The following NBN variants were observed in gnomAD, a reference collection of about 807,000 sequenced individuals.
NBN encodes the protein Nijmegen breakage syndrome 1 (nibrin).
In NBN, 88 loss-of-function variants were observed where a neutral mutation model predicts 90.8. The observed-to-expected ratio is 0.97, with a 90% CI of 0.82 to 1.16. The LOEUF is 1.16. Among genes scored for constraint, NBN ranks in the 50% most tolerant of loss-of-function variants. NBN has a pLI of 0.00. For missense variants in NBN, 894 were observed against 869.6 expected, an observed-to-expected ratio of 1.03 and a Z score of -0.35; for synonymous variants, 328 against 295.1, an observed-to-expected ratio of 1.11 and a Z score of -1.14.
rs779098734 is a variant in NBN at position 89,984,555 on chromosome 8, T to A, written c.7A>T (p.Lys3Ter). MW[K>*]LLPAAGPAGG... ...GCCGGGCCCGCGGCGGGCAGCAGTT[T>A]CCACATCGGTCCGGCTCCTCAGGGC... Residue 3 changes from lysine to a stop codon, truncating the protein, a stop_gained, in exon 1 of 16, where the codon AAA (lysine) becomes TAA (stop). Coordinates refer to ENST00000265433, the MANE Select transcript of NBN (RefSeq NM_002485.5). LOFTEE classifies it high-confidence loss of function. 2.5e-6 allele frequency: 4 copies of A among 1,613,162 alleles called. No individual in the cohort carries two copies. The South Asian group carries it at 4.4e-5, about 18-fold the overall frequency.
At chr8:89,935,703 T>C (rs1809638878) in intron 15 of NBN, 91 bp from the exon 16 acceptor site, 3 of 1,498,638 alleles carry the variant, frequency 2.0e-6, no homozygotes, top group South Asian at 1.2e-5. Flanking sequence ...AGTCACACTT[T>C]GGCAAATAGG....
intron 11 of NBN, among the ~76,000 whole-genome samples, chr8:89,949,999 G>A (rs74376487): frequency 0.042 from 6,333 of 152,236 alleles, 273 homozygotes; most frequent in East Asian, 0.19. Flanking sequence ...CAATTTCCTG[G>A]TTGTGATACT....
At chr8:89,954,910 A>G (rs958781480) in intron 10 of NBN, among the ~76,000 whole-genome samples, 1 of 152,172 alleles carries the variant, frequency 6.6e-6, no homozygotes, top group Non-Finnish European at 1.5e-5. Flanking sequence ...ATCTGGGATG[A>G]TCAATATATT....
intron 4 of NBN, among the ~76,000 whole-genome samples, chr8:89,978,893 C>G (rs143665775): frequency 7.8e-4 from 119 of 152,226 alleles, no homozygotes; most frequent in African/African-American, 2.8e-3. Context: ...AAGCTATAAG[C>G]CTCAAATATG....
rs2129925061 is a variant in NBN at position 89,982,780 on chromosome 8, T to A, written c.113A>T (p.Asp38Val). 1 of 1,613,992 alleles carries A rather than the reference T, an allele frequency of 6.2e-7. No individual in the cohort carries two copies. Among genetic ancestry groups the A allele is most frequent in the Non-Finnish European group, 8.5e-7 (1 of 1,179,900 alleles). ...RKNCAILIEN[D>V]QSISRNHAVL... is the part of the protein sequence containing the mutation. ...AGCATGATTTCGGCTGATCGACTGATCATTTTCAATCAGAATGGCACAGTT... is the reference window on the plus strand; with the variant it reads ...AGCATGATTTCGGCTGATCGACTGAACATTTTCAATCAGAATGGCACAGTT... Residue 38 changes from aspartate (D) to valine (V), a missense_variant, in exon 2 of 16, where the codon GAT (aspartate) becomes GTT (valine). Coordinates refer to ENST00000265433, the MANE Select transcript of NBN (RefSeq NM_002485.5).
intron 9 of NBN, 75 bp downstream of exon 9, chr8:89,958,650 G>C: frequency 6.7e-7 from 1 of 1,499,012 alleles, no homozygotes; most frequent in Non-Finnish European, 9.3e-7. Context: ...ACCTGATAAA[G>C]GGCATTACTT....
intron 11 of NBN, among the ~76,000 whole-genome samples, chr8:89,951,215 G>C (rs1810431623): frequency 6.6e-6 from 1 of 150,872 alleles, no homozygotes; most frequent in African/African-American, 2.4e-5. Context: ...GGGATGCTGA[G>C]GCAGGAGAAT....
intron 2 of NBN, 115 bp from the exon 3 acceptor site, chr8:89,981,638 GACA>G (rs1440254813): frequency 1.9e-6 from 2 of 1,038,746 alleles, no homozygotes; most frequent in South Asian, 1.4e-5. Context: ...CAACACGGCA[GACA>G]ACAATTACTG....
intron 14 of NBN, among the ~76,000 whole-genome samples, chr8:89,941,866 C>T (rs1809965791): frequency 6.6e-6 from 1 of 152,134 alleles, no homozygotes; most frequent in African/African-American, 2.4e-5. Flanking sequence ...AACAACTCTA[C>T]TTTCATAAGT....
At chr8:89,938,201 A>C (rs1563499415) in intron 14 of NBN, among the ~76,000 whole-genome samples, 2 of 152,190 alleles carry the variant, frequency 1.3e-5, no homozygotes, top group Non-Finnish European at 2.9e-5. Flanking sequence ...AAGTTCCTTA[A>C]ATACAGATAG....
chr8:89,957,001 C>G (rs13312921), intron 9 of NBN, among the ~76,000 whole-genome samples: 10,805 of 152,164 alleles, frequency 0.071, 532 homozygotes, highest in East Asian at 0.19. Flanking sequence ...ACATACAATT[C>G]GGTACAATAC....
In NBN at chr8:89,946,176, A is replaced by G. The variant is rs769252040; in HGVS notation, c.2034T>C (p.Asp678=). 1.9e-6 allele frequency: 3 copies of G among 1,601,828 alleles called. No individual in the cohort carries two copies. ...TSRNPSGIND[D]YGQLKNFKKF... is the part of the protein sequence containing the mutation. ...TCTTGAAATTTTTTAGTTGACCATAATCATCATTTATGCCAGATGGATTTC... is the reference window on the plus strand; with the variant it reads ...TCTTGAAATTTTTTAGTTGACCATAGTCATCATTTATGCCAGATGGATTTC... Residue 678 remains aspartate (D), a synonymous_variant, in exon 13 of 16, where the codon GAT becomes GAC. Transcript: ENST00000265433.
Position 89,953,543 on chromosome 8 carries a change from T to C in NBN, c.1546A>G (p.Thr516Ala), listed in dbSNP as rs376653589. 6.2e-7 allele frequency: 1 copy of C among 1,613,888 alleles called. No individual in the cohort carries two copies. The highest frequency in any genetic ancestry group is 8.5e-7 in the Non-Finnish European group (1 of 1,179,862). Residue 516 changes from threonine to alanine, a missense_variant, in exon 11 of 16, where the codon ACA (threonine) becomes GCA (alanine). Physicochemically the swap from Thr to Ala is moderately conservative, Grantham distance 58 (BLOSUM62 0). Transcript: ENST00000265433. ...GTAAATAAGTTATTGTCTGAGTTTG[T>C]GTCCACAGGCTCATTCTCAGATAGA... Reference protein sequence around the residue: ...QHLSENEPVDTNSDNNLFTDT... With the variant: ...QHLSENEPVDANSDNNLFTDT...
intron 2 of NBN, 91 bp from the exon 3 acceptor site, chr8:89,981,614 GGTGGCT>G: frequency 1.4e-6 from 2 of 1,397,624 alleles, no homozygotes; most frequent in Non-Finnish European, 2.0e-6. Flanking sequence ...ACAATAGGCA[GGTGGCT>G]AACCTCCCAA....
intron 13 of NBN, among the ~76,000 whole-genome samples, chr8:89,944,829 C>A (rs1810116320): frequency 6.6e-6 from 1 of 152,182 alleles, no homozygotes; most frequent in Non-Finnish European, 1.5e-5. Context: ...CATCCACCTG[C>A]CTTGGCCTCC....
At chr8:89,964,737 A>G (rs1364403285) in intron 7 of NBN, among the ~76,000 whole-genome samples, 1 of 151,590 alleles carries the variant, frequency 6.6e-6, no homozygotes, top group African/African-American at 2.4e-5. Flanking sequence ...ATAAGGGGCT[A>G]AAGAATATAG....
At chr8:89,976,454 T>C (rs116371239) in intron 5 of NBN, among the ~76,000 whole-genome samples, 2,250 of 152,362 alleles carry the variant, frequency 0.015, 53 homozygotes, top group African/African-American at 0.051. Context: ...GAAACTGATC[T>C]AGATAAGTTA....
chr8:89,976,988 T>A (rs750466348), intron 5 of NBN, among the ~76,000 whole-genome samples: 1 of 152,152 alleles, frequency 6.6e-6, no homozygotes, highest in Non-Finnish European at 1.5e-5. Flanking sequence ...TTAAGCCAAA[T>A]AGCTTATAGC....
intron 15 of NBN, 103 bp from the exon 16 acceptor site, chr8:89,935,715 T>A: frequency 1.4e-6 from 2 of 1,406,098 alleles, no homozygotes; most frequent in Middle Eastern, 1.8e-4. Context: ...GCAAATAGGA[T>A]GGGAATGACA....
Sources: allele counts gnomAD v4.1 joint callset (sites outside exome capture counted in the v4.1 genomes callset), GRCh38; gene constraint gnomAD v4.1.1; transcripts MANE v1.5; gene names NCBI Gene and HGNC (gene_info 2026-07-23, HGNC 2026-07-21).